FBXO31: variants seen among roughly 807,000 people sequenced by gnomAD.
The protein encoded by FBXO31 is F-box only protein 31.
In FBXO31, 24 loss-of-function variants were observed where a neutral mutation model predicts 54.4. That is an observed-to-expected ratio of 0.44 (90% CI 0.32 to 0.62). FBXO31 has a LOEUF of 0.62. FBXO31 is among the 20% of genes least tolerant of loss of function. FBXO31 has a pLI of 0.05. For synonymous variants in FBXO31, 388 were observed against 335.6 expected (o/e 1.16, Z -1.71); for missense variants, 665 against 787.1 (o/e 0.84, Z 1.86).
intron 1 of FBXO31, among the ~76,000 whole-genome samples, chr16:87,365,986 G>C (rs1385788981): frequency 6.6e-6 from 1 of 152,118 alleles, no homozygotes. Flanking sequence ...CCAAGATTGC[G>C]CCACTGCACT....
chr16:87,342,906 G>A lies in FBXO31; in HGVS notation c.703C>T (p.His235Tyr). 6.2e-7 allele frequency: 1 copy of A among 1,607,256 alleles called. No homozygotes were observed. The highest frequency in any genetic ancestry group is 1.1e-5 in the South Asian group (1 of 89,230). ...EFSTKCNQTDHHRMSGGRQEE... is the reference protein window; with the variant it reads ...EFSTKCNQTDYHRMSGGRQEE... ...TGCCTCCCGCCGGACATCCTGTGGT[G>A]GTCCGTCTGGTTGCACTTGGTGGAG... Residue 235 changes from histidine to tyrosine, a missense_variant, in exon 5 of 9, where the codon CAC (histidine) becomes TAC (tyrosine). Transcript: ENST00000311635.
At chr16:87,390,096 C>T (rs2150705896), upstream of FBXO31, among the ~76,000 whole-genome samples, 1 of 152,288 alleles carries the variant, frequency 6.6e-6, no homozygotes. Flanking sequence ...GCCTGGCCAA[C>T]ATGGTGACAC....
At chr16:87,350,492 T>A (rs1475442715) in intron 2 of FBXO31, among the ~76,000 whole-genome samples, 1 of 151,950 alleles carries the variant, frequency 6.6e-6, no homozygotes, top group Non-Finnish European at 1.5e-5. Flanking sequence ...CCTAGACGGG[T>A]GTGTGATCAG....
intron 1 of FBXO31, among the ~76,000 whole-genome samples, chr16:87,369,397 T>C (rs561961255): frequency 1.2e-4 from 19 of 152,272 alleles, no homozygotes; most frequent in Admixed American, 9.8e-4. Flanking sequence ...CTCTCTGCTT[T>C]TGACTACTCT....
In FBXO31 at chr16:87,346,723, C is replaced by T. The variant is rs563656532; in HGVS notation, c.489+451G>A. 1.1e-4 allele frequency among the ~76,000 whole-genome samples: 17 copies of T among 152,312 alleles called. No homozygotes were observed. In the South Asian group the frequency reaches 2.9e-3, roughly 26 times the overall value. On this transcript the variant is annotated intron_variant, in intron 3 of 8. Coordinates refer to ENST00000311635, the MANE Select transcript of FBXO31 (RefSeq NM_024735.5). The surrounding 1 kb of genome is among the most constrained non-coding windows in gnomAD (Gnocchi z 4.2). Reference sequence around the variant, plus strand: ...GCAGGGCTTTCCGTTCGAGAGGCTCCAGTAGGAGGGCACAGGGGGCGGGAG... The same window carrying T: ...GCAGGGCTTTCCGTTCGAGAGGCTCTAGTAGGAGGGCACAGGGGGCGGGAG...
In FBXO31 at chr16:87,352,462, A is replaced by T. The variant is rs74038748; in HGVS notation, c.413-5212T>A. Among the ~76,000 whole-genome samples the T allele has an allele frequency of 9.0e-3, 1,367 of 152,278 alleles. 24 individuals carry two copies. Among genetic ancestry groups the T allele is most frequent in the African/African-American group, 0.031 (1,302 of 41,544 alleles). ...AAGAAAATAACATAACCAAAAAAAA[A>T]ATTGTTAATATCTGGGTAAAGGCTA... On this transcript the variant is annotated intron_variant, in intron 2 of 8. Transcript: ENST00000311635.
upstream of FBXO31, among the ~76,000 whole-genome samples, chr16:87,387,514 A>G (rs1362784679): frequency 1.3e-5 from 2 of 152,182 alleles, no homozygotes; most frequent in African/African-American, 4.8e-5. Flanking sequence ...GGACTGAGGA[A>G]AACCATGTTA....
chr16:87,348,422 G>C (rs145630883), intron 2 of FBXO31, among the ~76,000 whole-genome samples: 3 of 152,228 alleles, frequency 2.0e-5, no homozygotes, highest in Non-Finnish European at 4.4e-5. Context: ...AGCAGTGAGC[G>C]TGATGATGGG....
chr16:87,357,128 C>T (rs1413642885), intron 2 of FBXO31, among the ~76,000 whole-genome samples: 1 of 151,952 alleles, frequency 6.6e-6, no homozygotes, highest in Non-Finnish European at 1.5e-5. Flanking sequence ...GCCTCTAGTC[C>T]CAGCTACTAG....
chr16:87,348,961 G>C (rs149824347), intron 2 of FBXO31, among the ~76,000 whole-genome samples: 4 of 152,230 alleles, frequency 2.6e-5, no homozygotes, highest in African/African-American at 9.7e-5. Flanking sequence ...AGCAGACCAA[G>C]CCTCGGCAGC....
rs371017127 is a variant in FBXO31 at position 87,335,364 on chromosome 16, G to A, written c.936C>T (p.His312=). Residue 312 remains histidine, a synonymous_variant, in exon 7 of 9, where the codon CAC becomes CAT. Transcript: ENST00000311635. This position sits in a 1 kb window ranked among gnomAD's most constrained non-coding sequence, Gnocchi z 5.7. ...PGLFKGTYGS[H]GLEIVMLSFH... is the part of the protein sequence containing the mutation. ...AGCTGAGCATCACAATCTCCAGGCC[G>A]TGGCTGCCATAGGTACCTTTGAAGA... 8.1e-6 allele frequency: 13 copies of A among 1,613,992 alleles called. No individual in the cohort carries two copies. The highest frequency in any genetic ancestry group is 4.0e-5 in the African/African-American group (3 of 75,066).
chr16:87,350,819 T>C (rs547656639), intron 2 of FBXO31, among the ~76,000 whole-genome samples: 1 of 152,280 alleles, frequency 6.6e-6, no homozygotes, highest in Admixed American at 6.5e-5. Flanking sequence ...TGAGCCTGCC[T>C]CAGACGCCTG....
At chr16:87,385,727 G>T (rs968319851), upstream of FBXO31, among the ~76,000 whole-genome samples, 1 of 151,974 alleles carries the variant, frequency 6.6e-6, no homozygotes, top group Non-Finnish European at 1.5e-5. Context: ...AAAGGATAGC[G>T]GCCAGGCCTG....
intron 2 of FBXO31, among the ~76,000 whole-genome samples, chr16:87,350,214 G>A (rs1567619490): frequency 2.0e-5 from 3 of 152,044 alleles, no homozygotes; most frequent in Non-Finnish European, 4.4e-5. Context: ...GAGCAGGGAG[G>A]GCAAGAAAGC....
At chr16:87,372,385 C>T (rs1033782187) in intron 1 of FBXO31, among the ~76,000 whole-genome samples, 5 of 152,252 alleles carry the variant, frequency 3.3e-5, no homozygotes, top group Admixed American at 6.5e-5. Context: ...AAAAGGCTTT[C>T]CCCACAGTGC....
chr16:87,347,431 C>T (rs181554073), intron 2 of FBXO31, among the ~76,000 whole-genome samples, 181 bp from the exon 3 acceptor site: 3 of 152,252 alleles, frequency 2.0e-5, no homozygotes, highest in East Asian at 1.9e-4. Context: ...CGGTGGCTCA[C>T]GCCTTTAATC....
chr16:87,334,232 G>A lies in FBXO31; in HGVS notation c.1051C>T (p.Arg351Trp), dbSNP rs772688100. ...QQTVEIDLRH[R>W]IQLPDLENQR... is the part of the protein sequence containing the mutation. The stretch of plus-strand genomic sequence containing the variant: ...TTCTCGAGGTCGGGCAGCTGGATCC[G>A]ATGCCTCAGGTCGATCTCCACTGTC... The change falls in exon 8 of 9, where the codon CGG becomes TGG. Residue 351 changes from arginine (R) to tryptophan (W), a missense_variant. Transcript: ENST00000311635. 3 of 1,610,232 alleles carry A rather than the reference G, an allele frequency of 1.9e-6. No individual in the cohort carries two copies. The highest frequency in any genetic ancestry group is 1.1e-5 in the South Asian group (1 of 90,584).
intron 5 of FBXO31, among the ~76,000 whole-genome samples, chr16:87,341,848 T>A (rs1422596676): frequency 6.6e-6 from 1 of 152,162 alleles, no homozygotes; most frequent in Non-Finnish European, 1.5e-5. Flanking sequence ...ACAGGACATT[T>A]GGTTCATCTC....
intron 2 of FBXO31, among the ~76,000 whole-genome samples, chr16:87,359,211 C>A (rs1906027238): frequency 6.6e-6 from 1 of 152,206 alleles, no homozygotes; most frequent in South Asian, 2.1e-4. Context: ...TTCAAGGGGT[C>A]AAGAATCAGC....
Sources: gnomAD v4.1 joint callset for allele counts (sites outside exome capture counted in the v4.1 genomes callset) on GRCh38, gnomAD v4.1.1 for gene constraint, Gnocchi (gnomAD v3.1) non-coding constraint, MANE v1.5 for transcripts, NCBI Gene and HGNC (gene_info 2026-07-23, HGNC 2026-07-21) for gene names.